The following DSE variants were observed in gnomAD, a reference collection of about 807,000 sequenced individuals.
DSE encodes the protein dermatan sulfate epimerase.
A neutral mutation model predicts 84.4 loss-of-function variants in DSE; 36 were observed. That is an observed-to-expected ratio of 0.43 (90% CI 0.33 to 0.56). The LOEUF is 0.56. DSE is among the 20% of genes least tolerant of loss of function. The pLI is 0.06. For synonymous variants in DSE, 410 were observed against 430.1 expected (o/e 0.95, Z 0.58); for missense variants, 862 against 1,169.6 (o/e 0.74, Z 3.84).
At chr6:116,305,174 T>C (rs546482087) in intron 2 of DSE, among the ~76,000 whole-genome samples, 1 of 151,960 alleles carries the variant, frequency 6.6e-6, no homozygotes, top group East Asian at 1.9e-4. Flanking sequence ...CTGCGCTAAA[T>C]CCTGTTGGGT....
At chr6:116,434,772 A>G (rs1784047895) in intron 5 of DSE, among the ~76,000 whole-genome samples, 1 of 152,254 alleles carries the variant, frequency 6.6e-6, no homozygotes, top group South Asian at 2.1e-4. Flanking sequence ...CTGAGACTCT[A>G]GAACAACAGA....
chr6:116,418,705 G>T, intron 2 of DSE, among the ~76,000 whole-genome samples: 1 of 152,162 alleles, frequency 6.6e-6, no homozygotes, highest in African/African-American at 2.4e-5. Flanking sequence ...TTCTGGCTCA[G>T]TTCTTATTGC....
chr6:116,297,147 G>A (rs1156334059), intron 2 of DSE, among the ~76,000 whole-genome samples: 8 of 152,096 alleles, frequency 5.3e-5, no homozygotes, highest in Admixed American at 6.6e-5. Context: ...AGTGTGTGCT[G>A]ACGGCTTCCT....
chr6:116,337,511 G>A (rs1039503992), intron 2 of DSE, among the ~76,000 whole-genome samples: 2 of 152,184 alleles, frequency 1.3e-5, no homozygotes, highest in Admixed American at 6.5e-5. Context: ...TCAGAAGGCT[G>A]TGGCAGGAGA....
At chr6:116,328,008 T>C (rs1776726352) in intron 2 of DSE, among the ~76,000 whole-genome samples, 1 of 152,222 alleles carries the variant, frequency 6.6e-6, no homozygotes, top group South Asian at 2.1e-4. Flanking sequence ...CAGATTCTTT[T>C]CTGCTTCCCT....
chr6:116,416,967 T>C (rs1782755178), intron 2 of DSE, among the ~76,000 whole-genome samples: 2 of 152,220 alleles, frequency 1.3e-5, no homozygotes, highest in South Asian at 4.1e-4. Flanking sequence ...TCATGAACAA[T>C]ATAGGCAGAC....
chr6:116,354,023 T>G (rs1010297955), intron 2 of DSE, among the ~76,000 whole-genome samples: 4 of 152,160 alleles, frequency 2.6e-5, no homozygotes, highest in African/African-American at 9.7e-5. Flanking sequence ...GACACCACTT[T>G]CAAAAATCTA....
chr6:116,403,482 CT>C (rs1823608369), intron 2 of DSE, among the ~76,000 whole-genome samples: 1 of 151,746 alleles, frequency 6.6e-6, no homozygotes, highest in Non-Finnish European at 1.5e-5. Context: ...TCTACTGTAA[CT>C]TTTCCCCTAG....
chr6:116,338,107 T>C (rs1439548492), intron 2 of DSE, among the ~76,000 whole-genome samples: 1 of 152,098 alleles, frequency 6.6e-6, no homozygotes, highest in African/African-American at 2.4e-5. Flanking sequence ...ATTCTTCATG[T>C]CTATGTTTGA....
intron 2 of DSE, among the ~76,000 whole-genome samples, chr6:116,334,319 T>C (rs1440487548): frequency 1.3e-5 from 2 of 152,210 alleles, no homozygotes; most frequent in Admixed American, 1.3e-4. Context: ...CAAATCATAT[T>C]CTGAAAGATA....
At chr6:116,407,617 A>G (rs1321613441) in intron 2 of DSE, among the ~76,000 whole-genome samples, 3 of 152,124 alleles carry the variant, frequency 2.0e-5, no homozygotes, top group Admixed American at 6.5e-5. Flanking sequence ...CACTGCTGCT[A>G]CTATGCTCAT....
intron 1 of DSE, among the ~76,000 whole-genome samples, chr6:116,372,782 G>A (rs1278174678): frequency 2.6e-5 from 4 of 152,102 alleles, no homozygotes; most frequent in African/African-American, 9.7e-5. Flanking sequence ...TGTGGGTTCA[G>A]CAAAAAGTGC....
chr6:116,314,784 C>T (rs1290260765), intron 2 of DSE, among the ~76,000 whole-genome samples: 3 of 152,130 alleles, frequency 2.0e-5, no homozygotes, highest in Non-Finnish European at 4.4e-5. Context: ...CAGTAGATAA[C>T]CCATTATGTG....
At chr6:116,301,069 T>G (rs1023705547) in intron 2 of DSE, among the ~76,000 whole-genome samples, 12 of 152,106 alleles carry the variant, frequency 7.9e-5, no homozygotes, top group African/African-American at 2.4e-4. Context: ...TCCTAAGAGA[T>G]AGAGAGTTCT....
At chr6:116,329,127 A>G (rs949369913) in intron 2 of DSE, among the ~76,000 whole-genome samples, 6 of 152,192 alleles carry the variant, frequency 3.9e-5, no homozygotes, top group Non-Finnish European at 8.8e-5. Context: ...TTACGTTTTT[A>G]TTATTACTTA....
Position 116,437,129 on chromosome 6 carries a change from A to G in DSE, c.2661A>G (p.Thr887=), listed in dbSNP as rs762839207. ...GGTTTGGACAGGCACGGATGGTGACAACTACACACAGCAGGGCCCCATCAC... is the reference window on the plus strand; with the variant it reads ...GGTTTGGACAGGCACGGATGGTGACGACTACACACAGCAGGGCCCCATCAC... ...KGRFGQARMV[T]TTHSRAPSLS... Residue 887 remains threonine, a synonymous_variant, in exon 6 of 6, where the codon ACA becomes ACG. Coordinates refer to ENST00000644252, the MANE Select transcript of DSE (RefSeq NM_013352.4). The G allele has an allele frequency of 6.2e-6, 10 of 1,614,150 alleles. No individual in the cohort carries two copies. Among genetic ancestry groups the G allele is most frequent in the African/African-American group, 2.7e-5 (2 of 75,038 alleles).
chr6:116,282,873 ACT>A (rs1773629903), intron 2 of DSE, among the ~76,000 whole-genome samples: 1 of 152,018 alleles, frequency 6.6e-6, no homozygotes, highest in Non-Finnish European at 1.5e-5. Flanking sequence ...GGAAGGAGGA[ACT>A]CTCTAGGAAT....
At chr6:116,422,662 T>C (rs1783168918) in intron 2 of DSE, among the ~76,000 whole-genome samples, 1 of 152,198 alleles carries the variant, frequency 6.6e-6, no homozygotes, top group Non-Finnish European at 1.5e-5. Context: ...TTAAATAAAA[T>C]TGGCTTTAAA....
chr6:116,307,928 A>G (rs1347032449), intron 2 of DSE, among the ~76,000 whole-genome samples: 1 of 152,218 alleles, frequency 6.6e-6, no homozygotes, highest in African/African-American at 2.4e-5. Flanking sequence ...CTTAGTTCTA[A>G]TTCTTTCAAT....
Sources: gnomAD v4.1 joint callset for allele counts (sites outside exome capture counted in the v4.1 genomes callset) on GRCh38, gnomAD v4.1.1 for gene constraint, MANE v1.5 for transcripts, NCBI Gene and HGNC (gene_info 2026-07-23, HGNC 2026-07-21) for gene names.